The following NTAQ1 variants were observed in gnomAD, a reference collection of about 807,000 sequenced individuals.
NTAQ1 encodes protein N-terminal glutamine amidohydrolase.
Under a neutral mutation model 28.2 loss-of-function variants are expected in NTAQ1, and 21 were observed. The observed-to-expected ratio is 0.74, with a 90% confidence interval of 0.53 to 1.07. NTAQ1 has a LOEUF of 1.07. Among genes scored for constraint, NTAQ1 ranks in the 50% least tolerant of loss-of-function variants. The pLI is 0.00. For missense variants in NTAQ1, 264 were observed against 256.6 expected, an observed-to-expected ratio of 1.03 and a Z score of -0.20; for synonymous variants, 105 against 90.0, an observed-to-expected ratio of 1.17 and a Z score of -0.94.
At chr8:123,470,351 C>T (rs1467146250), downstream of NTAQ1, among the ~76,000 whole-genome samples, 1 of 152,210 alleles carries the variant, frequency 6.6e-6, no homozygotes, top group Non-Finnish European at 1.5e-5. Flanking sequence ...CCTCCGCAGT[C>T]CCTGTGTTCA....
chr8:123,423,255 C>T (rs1005641293), intron 1 of NTAQ1, among the ~76,000 whole-genome samples: 1 of 143,882 alleles, frequency 7.0e-6, no homozygotes. Flanking sequence ...CTCCCTCCTT[C>T]CCTCCTTTCT....
exon 7 of NTAQ1, among the ~76,000 whole-genome samples, chr8:123,467,859 C>T (rs1034758408): frequency 2.6e-5 from 4 of 152,224 alleles, no homozygotes; most frequent in African/African-American, 7.2e-5. Context: ...AAGCGATTCT[C>T]CTGCCTCAGC....
At chr8:123,469,871 G>T (rs529047212) in exon 7 of NTAQ1, among the ~76,000 whole-genome samples, 220 of 152,330 alleles carry the variant, frequency 1.4e-3, no homozygotes, top group Non-Finnish European at 2.6e-3. Flanking sequence ...CAACAAACAT[G>T]TATTGCCTGC....
chr8:123,474,648 T>C (rs1231215123), downstream of NTAQ1, among the ~76,000 whole-genome samples: 1 of 152,204 alleles, frequency 6.6e-6, no homozygotes, highest in Admixed American at 6.5e-5. Flanking sequence ...CGTATGCCTG[T>C]AATCCTAGCA....
rs529905013 is a variant in NTAQ1 at position 123,454,765 on chromosome 8, A to G, written c.373-12314A>G. Among the ~76,000 whole-genome samples the G allele has an allele frequency of 3.3e-5, 5 of 152,308 alleles. No individual in the cohort carries two copies. In the East Asian group the frequency reaches 5.8e-4, roughly 18 times the overall value. On this transcript the variant is annotated intron_variant, in intron 6 of 6. Coordinates refer to the NTAQ1 transcript ENST00000650311. ...AGCGGATACTGTAGCTCAGTCTCCA[A>G]TGGGCCATTCATTCTACCATCAAGA...
chr8:123,468,620 G>T (rs1004854154), exon 7 of NTAQ1, among the ~76,000 whole-genome samples: 2 of 152,076 alleles, frequency 1.3e-5, no homozygotes, highest in Non-Finnish European at 2.9e-5. Context: ...TGAACATTTA[G>T]GTTCCATCCA....
chr8:123,436,562 C>G lies in NTAQ1; in HGVS notation c.344C>G (p.Ala115Gly), dbSNP rs767366193. 6.2e-7 allele frequency: 1 copy of G among 1,613,900 alleles called. No homozygotes were observed. Among genetic ancestry groups the G allele is most frequent in the South Asian group, 1.1e-5 (1 of 91,064 alleles). ...PCLFDTYVED[A>G]FKSDDDIHPQ... ...CTCTTTGACACTTATGTAGAAGATG[C>G]CTTTAAGTCTGATGATGACATTCAC... Residue 115 changes from alanine (A) to glycine (G), a missense_variant, in exon 4 of 6, where the codon GCC becomes GGC. Coordinates refer to ENST00000287387, the MANE Select transcript of NTAQ1 (RefSeq NM_018024.3).
chr8:123,422,842 G>T (rs1813790470), intron 1 of NTAQ1, among the ~76,000 whole-genome samples: 1 of 152,086 alleles, frequency 6.6e-6, no homozygotes, highest in Non-Finnish European at 1.5e-5. Context: ...GAGGGGTCAA[G>T]TTTCAATCTT....
downstream of NTAQ1, among the ~76,000 whole-genome samples, chr8:123,473,217 G>A (rs964651090): frequency 5.9e-5 from 9 of 152,090 alleles, no homozygotes; most frequent in African/African-American, 2.2e-4. Context: ...ACAGCCCTGA[G>A]GGACTTTTGT....
At chr8:123,456,094 C>T (rs974684121) in intron 6 of NTAQ1, among the ~76,000 whole-genome samples, 4 of 152,120 alleles carry the variant, frequency 2.6e-5, no homozygotes, top group African/African-American at 9.7e-5. Context: ...AAGTTAGTGG[C>T]CCTCCCCAAA....
intron 6 of NTAQ1, among the ~76,000 whole-genome samples, chr8:123,463,967 A>G (rs1815900321): frequency 6.6e-6 from 1 of 152,138 alleles, no homozygotes; most frequent in Non-Finnish European, 1.5e-5. Flanking sequence ...AATACATCTC[A>G]CGAGATCTGA....
chr8:123,466,321 G>A (rs531215631), intron 6 of NTAQ1, among the ~76,000 whole-genome samples: 10 of 152,284 alleles, frequency 6.6e-5, no homozygotes, highest in East Asian at 1.9e-4. Flanking sequence ...CCTCTTTGCC[G>A]TCTGTCCATT....
chr8:123,452,474 G>A (rs1341641433), downstream of NTAQ1, among the ~76,000 whole-genome samples: 2 of 152,208 alleles, frequency 1.3e-5, no homozygotes, highest in Non-Finnish European at 2.9e-5. Context: ...GCAGATGCCT[G>A]TAATCCCAGC....
intron 6 of NTAQ1, among the ~76,000 whole-genome samples, chr8:123,465,202 C>T (rs1586973217): frequency 6.6e-6 from 1 of 152,126 alleles, no homozygotes; most frequent in African/African-American, 2.4e-5. Context: ...GTAGAACCAC[C>T]GTACATTTTC....
chr8:123,437,718 CA>C (rs1814811477), intron 5 of NTAQ1, among the ~76,000 whole-genome samples: 2 of 57,596 alleles, frequency 3.5e-5, no homozygotes, highest in African/African-American at 6.5e-5. Flanking sequence ...AAAAAAAAAA[CA>C]AAAAACAAAA....
chr8:123,419,304 G>T (rs1253883888), intron 1 of NTAQ1, among the ~76,000 whole-genome samples: 1 of 151,984 alleles, frequency 6.6e-6, no homozygotes, highest in East Asian at 1.9e-4. Flanking sequence ...TCACCACATT[G>T]GCTGGGCTGG....
chr8:123,460,677 C>G (rs190396442), intron 6 of NTAQ1, among the ~76,000 whole-genome samples: 1 of 152,304 alleles, frequency 6.6e-6, no homozygotes, highest in East Asian at 1.9e-4. Context: ...CAGCGTTTTG[C>G]AGTGTCCTTT....
At chr8:123,464,699 T>G (rs1273543551) in intron 6 of NTAQ1, among the ~76,000 whole-genome samples, 1 of 152,196 alleles carries the variant, frequency 6.6e-6, no homozygotes, top group Non-Finnish European at 1.5e-5. Context: ...GGTTTGGTCC[T>G]GTGTTCCCAG....
chr8:123,473,776 A>G (rs964569659), downstream of NTAQ1, among the ~76,000 whole-genome samples: 1 of 152,222 alleles, frequency 6.6e-6, no homozygotes, highest in East Asian at 1.9e-4. Flanking sequence ...TTGACATTGT[A>G]GCTCTGCCAC....
Sources: allele counts gnomAD v4.1 joint callset (sites outside exome capture counted in the v4.1 genomes callset), GRCh38; gene constraint gnomAD v4.1.1; transcripts MANE v1.5; gene names NCBI Gene and HGNC (gene_info 2026-07-23, HGNC 2026-07-21).